The following ZFAT variants were observed in gnomAD, a reference collection of about 807,000 sequenced individuals.
The protein encoded by ZFAT is zinc finger protein ZFAT.
Under a neutral mutation model 117.7 loss-of-function variants are expected in ZFAT, and 64 were observed. That is an observed-to-expected ratio of 0.54 (90% CI 0.44 to 0.67). The LOEUF is 0.67. ZFAT is among the 30% of genes least tolerant of loss of function. ZFAT has a pLI of 0.00. For synonymous variants in ZFAT, 679 were observed against 615.0 expected (o/e 1.10, Z -1.54); for missense variants, 1,433 against 1,584.5 (o/e 0.90, Z 1.62).
intron 15 of ZFAT, among the ~76,000 whole-genome samples, chr8:134,503,525 T>A (rs1280487094): frequency 6.6e-6 from 1 of 152,224 alleles, no homozygotes; most frequent in Non-Finnish European, 1.5e-5. Flanking sequence ...GGTGCCCAGA[T>A]ATTCGGTCAT....
At chr8:134,781,700 C>A in the ZFAT span, among the ~76,000 whole-genome samples, 8 of 152,226 alleles carry the variant, frequency 5.3e-5, no homozygotes, top group Admixed American at 5.2e-4. Flanking sequence ...CTCCTGCCTC[C>A]TTTTCTACCT....
chr8:134,780,867 T>C, the ZFAT span, among the ~76,000 whole-genome samples: 1 of 152,204 alleles, frequency 6.6e-6, no homozygotes, highest in African/African-American at 2.4e-5. Flanking sequence ...TTTTTCCTTA[T>C]ATAGCTCACC....
chr8:134,516,410 G>A (rs890676512), intron 13 of ZFAT, among the ~76,000 whole-genome samples: 2 of 152,132 alleles, frequency 1.3e-5, no homozygotes, highest in African/African-American at 4.8e-5. Context: ...ATCATTAGAA[G>A]GTTGCAACAT....
At position 134,590,344 on chromosome 8, in the gene ZFAT, ACTCC is replaced by A. The variant is rs1826371798; in HGVS notation, c.2483_2486del (p.Arg828IlefsTer16). On this transcript the variant is annotated frameshift_variant, in exon 8 of 16. Coordinates refer to ENST00000377838, the MANE Select transcript of ZFAT (RefSeq NM_020863.4). LOFTEE classifies it high-confidence loss of function. ...ACTTTTCACAAACAGGACAAGAATAACTCCTTTTGTCCTTAATAGAAAGAGAACA... is the reference window on the plus strand; with the variant it reads ...ACTTTTCACAAACAGGACAAGAATAATTTTGTCCTTAATAGAAAGAGAACA... 1 of 1,610,884 alleles carries A rather than the reference ACTCC, an allele frequency of 6.2e-7. No individual in the cohort carries two copies. Among genetic ancestry groups the A allele is most frequent in the Non-Finnish European group, 8.5e-7 (1 of 1,177,766 alleles).
chr8:134,513,197 C>CT (rs763874079), intron 13 of ZFAT, among the ~76,000 whole-genome samples: 23,655 of 132,942 alleles, frequency 0.18, 2,356 homozygotes, highest in Admixed American at 0.24. Flanking sequence ...GCTATTTGTG[C>CT]TTTTTTTTTT....
chr8:134,798,477 A>G, the ZFAT span, among the ~76,000 whole-genome samples: 6 of 152,226 alleles, frequency 3.9e-5, no homozygotes, highest in East Asian at 1.2e-3. Flanking sequence ...ATAAATATAC[A>G]GTGTTTTAAA....
the ZFAT span, among the ~76,000 whole-genome samples, chr8:134,786,413 C>T: frequency 1.3e-5 from 2 of 152,140 alleles, no homozygotes; most frequent in Non-Finnish European, 1.5e-5. Context: ...CGTACTAATA[C>T]GTTTATTCAT....
chr8:134,801,234 C>T, the ZFAT span, among the ~76,000 whole-genome samples: 1 of 152,078 alleles, frequency 6.6e-6, no homozygotes, highest in Admixed American at 6.5e-5. Flanking sequence ...ACATCTTTCC[C>T]ACACTCTGAT....
the ZFAT span, among the ~76,000 whole-genome samples, chr8:134,747,618 G>C: frequency 1.3e-5 from 2 of 152,140 alleles, no homozygotes; most frequent in Non-Finnish European, 2.9e-5. Context: ...CACATAACAA[G>C]CTTGTGAAAT....
the ZFAT span, among the ~76,000 whole-genome samples, chr8:134,830,268 C>CTTA: frequency 6.6e-6 from 1 of 152,182 alleles, no homozygotes; most frequent in Admixed American, 6.5e-5. Flanking sequence ...CACTACAGGA[C>CTTA]TGTATACAGA....
the ZFAT span, among the ~76,000 whole-genome samples, chr8:134,750,532 T>A: frequency 2.6e-5 from 4 of 152,150 alleles, no homozygotes; most frequent in South Asian, 2.1e-4. Flanking sequence ...AATATTTTTT[T>A]TAAAAATAAT....
chr8:134,586,261 A>C (rs1826062052), intron 9 of ZFAT, among the ~76,000 whole-genome samples: 1 of 152,246 alleles, frequency 6.6e-6, no homozygotes, highest in Non-Finnish European at 1.5e-5. Context: ...AATGGCAAAT[A>C]TGCAACATTA....
At chr8:134,537,745 G>A (rs1821944148) in intron 11 of ZFAT, among the ~76,000 whole-genome samples, 1 of 152,172 alleles carries the variant, frequency 6.6e-6, no homozygotes, top group Non-Finnish European at 1.5e-5. Context: ...GCAGTGGTAT[G>A]GACGAGAGAT....
At chr8:134,712,694 C>G in intron 1 of ZFAT, 151 bp downstream of exon 1, 1 of 599,434 alleles carries the variant, frequency 1.7e-6, no homozygotes, top group Non-Finnish European at 2.6e-6. Flanking sequence ...TACGTTCGCT[C>G]TCCTCCCCAG....
intron 1 of ZFAT, among the ~76,000 whole-genome samples, chr8:134,671,454 C>CAAATCAA (rs1832557757): frequency 6.6e-6 from 1 of 152,142 alleles, no homozygotes; most frequent in Non-Finnish European, 1.5e-5. Context: ...TCAACATACA[C>CAAATCAA]AAATCAATAA....
chr8:134,758,404 G>C, the ZFAT span, among the ~76,000 whole-genome samples: 1 of 152,226 alleles, frequency 6.6e-6, no homozygotes, highest in East Asian at 1.9e-4. Context: ...TACTAGCTGT[G>C]TGATGTTGGG....
chr8:134,761,902 T>C, the ZFAT span, among the ~76,000 whole-genome samples: 6 of 152,072 alleles, frequency 3.9e-5, no homozygotes. Context: ...AAGGTTCATA[T>C]TAGGGCCAGA....
At chr8:134,589,421 A>G (rs993208974) in intron 8 of ZFAT, among the ~76,000 whole-genome samples, 1 of 152,236 alleles carries the variant, frequency 6.6e-6, no homozygotes, top group Non-Finnish European at 1.5e-5. Context: ...ACCAAGAGCA[A>G]ATACAAAATA....
chr8:134,745,067 C>T, the ZFAT span, among the ~76,000 whole-genome samples: 1 of 152,146 alleles, frequency 6.6e-6, no homozygotes, highest in Non-Finnish European at 1.5e-5. Context: ...GTCTAATTTG[C>T]TCAGGATAAT....
Sources: gnomAD v4.1 joint callset for allele counts (sites outside exome capture counted in the v4.1 genomes callset) on GRCh38, gnomAD v4.1.1 for gene constraint, MANE v1.5 for transcripts, NCBI Gene and HGNC (gene_info 2026-07-23, HGNC 2026-07-21) for gene names.